The following WNT2B variants were observed in gnomAD, a reference collection of about 807,000 sequenced individuals.
WNT2B encodes Wnt family member 2B.
A neutral mutation model predicts 40.5 loss-of-function variants in WNT2B; 19 were observed. That is an observed-to-expected ratio of 0.47 (90% CI 0.33 to 0.69). The LOEUF (loss-of-function observed/expected upper bound fraction) is 0.69, where lower values mean the gene tolerates loss of function less well. WNT2B is among the 30% of genes least tolerant of loss of function. WNT2B has a pLI of 0.02. For synonymous variants in WNT2B, 220 were observed against 211.9 expected (o/e 1.04, Z -0.33); for missense variants, 467 against 556.4 (o/e 0.84, Z 1.62).
At chr1:112,511,846 T>C (rs1477592540) in intron 1 of WNT2B, among the ~76,000 whole-genome samples, 2 of 152,240 alleles carry the variant, frequency 1.3e-5, no homozygotes, top group Non-Finnish European at 2.9e-5. Flanking sequence ...TAATAAGCCC[T>C]TACTGAGCTT....
chr1:112,509,468 C>T lies in WNT2B; in HGVS notation c.182+24C>T, dbSNP rs780263520. 1.9e-6 allele frequency: 3 copies of T among 1,545,014 alleles called. No individual in the cohort carries two copies. Among genetic ancestry groups the T allele is most frequent in the Middle Eastern group, 2.3e-4 (1 of 4,332 alleles). ...TGGTAAGTGTGGCTCTCAGGCTGGG[C>T]GGGTGAGGCGCTTGGTAGGAGAGGC... On this transcript the variant is annotated intron_variant, in intron 1 of 4. Coordinates refer to ENST00000369684, the MANE Select transcript of WNT2B (RefSeq NM_024494.3). This position sits in a 1 kb window ranked among gnomAD's most constrained non-coding sequence, Gnocchi z 4.2.
chr1:112,492,151 AAAAAG>A (rs1443170139), intron 1 of WNT2B, among the ~76,000 whole-genome samples: 5 of 152,230 alleles, frequency 3.3e-5, no homozygotes, highest in Non-Finnish European at 4.4e-5. Flanking sequence ...AATCAATATA[AAAAAG>A]ACACTCAAGA....
chr1:112,500,051 A>C (rs191989116), intron 1 of WNT2B, among the ~76,000 whole-genome samples: 14 of 152,368 alleles, frequency 9.2e-5, no homozygotes, highest in Non-Finnish European at 1.6e-4. Flanking sequence ...CGACAGGCAT[A>C]ATCAGAGAAC....
At chr1:112,477,729 G>A (rs1651094901) in intron 1 of WNT2B, among the ~76,000 whole-genome samples, 1 of 151,986 alleles carries the variant, frequency 6.6e-6, no homozygotes, top group South Asian at 2.1e-4. Flanking sequence ...AGAATACAAT[G>A]AATGAAATTG....
intron 4 of WNT2B, among the ~76,000 whole-genome samples, chr1:112,519,218 C>T (rs1652722739): frequency 6.6e-6 from 1 of 152,154 alleles, no homozygotes; most frequent in South Asian, 2.1e-4. Context: ...GAGCATATAT[C>T]TCCATTATAT....
rs969135089 is a variant in WNT2B at position 112,525,294 on chromosome 1, T to C, written c.*4785T>C. 6.6e-6 allele frequency: 1 copy of C among 152,314 alleles called. No individual in the cohort carries two copies. The highest frequency in any genetic ancestry group is 1.5e-5 in the Non-Finnish European group (1 of 68,020). 9.4% of individuals were successfully genotyped at this position (152,314 alleles called of 1,614,324 possible). On this transcript the variant is annotated 3_prime_UTR_variant, in exon 5 of 5. Transcript: ENST00000369684. ...GAGAGAAGCACTGGAAAAGACCAAG[T>C]GGTGGCTTTATTAGGGTAAATATAT...
upstream of WNT2B, among the ~76,000 whole-genome samples, chr1:112,507,945 G>A (rs1185340083): frequency 6.6e-6 from 1 of 152,176 alleles, no homozygotes; most frequent in East Asian, 1.9e-4. Flanking sequence ...AGGTTTGAGG[G>A]TTGGGGTGGT....
At chr1:112,486,670 C>A (rs573874087) in intron 1 of WNT2B, among the ~76,000 whole-genome samples, 17 of 149,996 alleles carry the variant, frequency 1.1e-4, no homozygotes, top group South Asian at 6.3e-4. Context: ...AAAAAAAAAA[C>A]CCAATAAAAA....
intron 1 of WNT2B, among the ~76,000 whole-genome samples, chr1:112,503,387 G>C (rs1334128633): frequency 6.6e-6 from 1 of 152,170 alleles, no homozygotes; most frequent in Non-Finnish European, 1.5e-5. Flanking sequence ...AAACCCTCAG[G>C]TTTTCTGACT....
At chr1:112,475,975 C>T (rs1428389159) in intron 1 of WNT2B, among the ~76,000 whole-genome samples, 1 of 152,034 alleles carries the variant, frequency 6.6e-6, no homozygotes, top group Non-Finnish European at 1.5e-5. Context: ...GACTACCCCA[C>T]CCAAATGCAA....
rs1652907311 is a variant in WNT2B at position 112,522,017 on chromosome 1, G to A, written c.*1508G>A. On this transcript the variant is annotated 3_prime_UTR_variant, in exon 5 of 5. Transcript: ENST00000369684. ...ATCTGTAAAATGAGGATACGTACCT[G>A]TTCTTTTTTTTCTTTCTTTTTATTT... The A allele has an allele frequency of 6.6e-6, 1 of 152,100 alleles. No individual in the cohort carries two copies. Among genetic ancestry groups the A allele is most frequent in the African/African-American group, 2.4e-5 (1 of 41,414 alleles). The allele number at this position is 152,100 out of a possible 1,614,324, so 9.4% of individuals were successfully genotyped here. A position where few individuals can be genotyped will look rare whatever the true frequency, so the allele number is the denominator to read the frequency against.
At chr1:112,504,024 G>C (rs1652036391), upstream of WNT2B, among the ~76,000 whole-genome samples, 1 of 152,178 alleles carries the variant, frequency 6.6e-6, no homozygotes, top group South Asian at 2.1e-4. Flanking sequence ...CCCAGAACAG[G>C]TGGTAGGGAG....
At chr1:112,502,659 T>C (rs563360508) in intron 1 of WNT2B, among the ~76,000 whole-genome samples, 2 of 152,048 alleles carry the variant, frequency 1.3e-5, no homozygotes, top group East Asian at 3.9e-4. Flanking sequence ...CGGCTTTTCA[T>C]GGAAAGACCC....
intron 1 of WNT2B, among the ~76,000 whole-genome samples, chr1:112,483,813 AAAAT>A (rs1651311787): frequency 6.6e-6 from 1 of 151,228 alleles, no homozygotes; most frequent in Non-Finnish European, 1.5e-5. Context: ...ATAAATTTAA[AAAAT>A]AAATAAATAA....
At chr1:112,484,246 C>CATATATATACACATAT (rs1651332853) in intron 1 of WNT2B, among the ~76,000 whole-genome samples, 7 of 116,732 alleles carry the variant, frequency 6.0e-5, no homozygotes, top group African/African-American at 2.9e-4. Context: ...TATATATACA[C>CATATATATACACATAT]ATATATATAC....
chr1:112,508,420 G>T (rs947712444), upstream of WNT2B, among the ~76,000 whole-genome samples: 1 of 151,714 alleles, frequency 6.6e-6, no homozygotes, highest in African/African-American at 2.4e-5. This position sits in a 1 kb window ranked among gnomAD's most constrained non-coding sequence, Gnocchi z 4.2. Context: ...AGAAGCAGGG[G>T]CGATGAGCTC....
At chr1:112,501,777 C>T (rs1651962193) in intron 1 of WNT2B, among the ~76,000 whole-genome samples, 1 of 152,202 alleles carries the variant, frequency 6.6e-6, no homozygotes, top group African/African-American at 2.4e-5. Flanking sequence ...TCTAGGGATC[C>T]TCTGGCTGAC....
At position 112,509,071 on chromosome 1, in the gene WNT2B, T is replaced by C; in HGVS notation, c.-192T>C. On this transcript the variant is annotated 5_prime_UTR_variant, in exon 1 of 5. Coordinates refer to ENST00000369684, the MANE Select transcript of WNT2B (RefSeq NM_024494.3). The surrounding 1 kb of genome is among the most constrained non-coding windows in gnomAD (Gnocchi z 4.2). ...CGGGTTCGGCACGCCGTCGTCGGCT[T>C]CCGGACATCGCAACTTGCGCCCCTC... is the stretch of plus-strand genomic sequence containing the variant. 1 of 1,348,292 alleles carries C rather than the reference T, an allele frequency of 7.4e-7. No homozygotes were observed. Among genetic ancestry groups the C allele is most frequent in the Non-Finnish European group, 9.4e-7 (1 of 1,059,040 alleles). 83.5% of individuals were successfully genotyped at this position (1,348,292 alleles called of 1,614,324 possible). A position where few individuals can be genotyped will look rare whatever the true frequency, so the allele number is the denominator to read the frequency against.
intron 1 of WNT2B, among the ~76,000 whole-genome samples, chr1:112,471,550 C>T (rs146378964): frequency 0.011 from 1,669 of 152,282 alleles, 43 homozygotes; most frequent in African/African-American, 0.038. Context: ...TTTTGAACCC[C>T]TATCTCAGTT....
Sources: allele counts gnomAD v4.1 joint callset (sites outside exome capture counted in the v4.1 genomes callset), GRCh38; gene constraint gnomAD v4.1.1; non-coding constraint Gnocchi (gnomAD v3.1); transcripts MANE v1.5; gene names NCBI Gene and HGNC (gene_info 2026-07-23, HGNC 2026-07-21).